Variants in SLC35F3 observed in about 807,000 individuals in gnomAD.
SLC35F3 encodes solute carrier family 35 member F3, also known as putative thiamine transporter SLC35F3.
SLC35F3 carries 25 observed loss-of-function variants against 49.9 expected under a neutral mutation model. The ratio of observed to expected loss-of-function variants is 0.50; its 90% CI spans 0.37 to 0.70. The LOEUF is 0.70. SLC35F3 is among the 30% of genes least tolerant of loss of function. The pLI is 0.00. For synonymous variants in SLC35F3, 275 were observed against 265.4 expected, an observed-to-expected ratio of 1.04 and a Z score of -0.35; for missense variants, 525 against 639.8, an observed-to-expected ratio of 0.82 and a Z score of 1.94.
chr1:234,118,885 CT>C (rs60469123), intron 2 of SLC35F3, among the ~76,000 whole-genome samples: 240 of 143,294 alleles, frequency 1.7e-3, no homozygotes, highest in Middle Eastern at 0.011. Context: ...TTTTTCTTTT[CT>C]TTTTTTTTTT....
At chr1:234,264,451 T>C (rs1011498313) in intron 3 of SLC35F3, among the ~76,000 whole-genome samples, 1 of 152,220 alleles carries the variant, frequency 6.6e-6, no homozygotes, top group Non-Finnish European at 1.5e-5. Flanking sequence ...CTTTCTCTCT[T>C]AAACCTACAC....
At chr1:233,996,694 A>C (rs998520345) in intron 2 of SLC35F3, among the ~76,000 whole-genome samples, 3 of 152,212 alleles carry the variant, frequency 2.0e-5, no homozygotes, top group African/African-American at 7.2e-5. Context: ...CTCTACAATG[A>C]TTAATAATGA....
At chr1:234,254,856 G>A (rs775998634) in intron 3 of SLC35F3, among the ~76,000 whole-genome samples, 11 of 152,254 alleles carry the variant, frequency 7.2e-5, no homozygotes, top group Non-Finnish European at 1.3e-4. Context: ...AGAAATCTTT[G>A]TCAACATGTT....
chr1:234,321,338 C>T (rs1398956967), intron 7 of SLC35F3, among the ~76,000 whole-genome samples: 2 of 152,224 alleles, frequency 1.3e-5, no homozygotes, highest in African/African-American at 4.8e-5. Context: ...TGAGCCTTAG[C>T]TTGCCTCCCC....
intron 2 of SLC35F3, among the ~76,000 whole-genome samples, chr1:233,934,334 G>A (rs1444394460): frequency 1.3e-5 from 2 of 152,196 alleles, no homozygotes; most frequent in African/African-American, 2.4e-5. Context: ...TGCTGCTTGA[G>A]TTGCCATTAC....
chr1:234,171,186 G>A (rs969387176), intron 2 of SLC35F3, among the ~76,000 whole-genome samples: 23 of 152,174 alleles, frequency 1.5e-4, no homozygotes, highest in African/African-American at 5.3e-4. Flanking sequence ...GCTGGAGTGG[G>A]GCAAGGTAAC....
chr1:234,211,267 A>C (rs796073315), intron 2 of SLC35F3, among the ~76,000 whole-genome samples: 7 of 152,326 alleles, frequency 4.6e-5, no homozygotes, highest in African/African-American at 1.7e-4. Context: ...GGTCAGTGCA[A>C]AAGCAAAATT....
intron 3 of SLC35F3, among the ~76,000 whole-genome samples, chr1:234,289,808 C>A (rs866044787): frequency 6.6e-5 from 10 of 152,182 alleles, no homozygotes; most frequent in Non-Finnish European, 1.0e-4. Context: ...ACAAAACAAA[C>A]ACCCACTAAA....
At chr1:234,153,322 A>G (rs942987100) in intron 2 of SLC35F3, among the ~76,000 whole-genome samples, 6 of 152,180 alleles carry the variant, frequency 3.9e-5, no homozygotes, top group African/African-American at 1.4e-4. Flanking sequence ...GCCCAGTGAT[A>G]AAAATGGAGG....
At chr1:234,197,165 C>A (rs893851670) in intron 2 of SLC35F3, among the ~76,000 whole-genome samples, 2 of 152,106 alleles carry the variant, frequency 1.3e-5, no homozygotes, top group Non-Finnish European at 2.9e-5. Context: ...ATGTGAAACT[C>A]ATCTGGGTTT....
chr1:234,281,805 T>A (rs923142396), intron 3 of SLC35F3, among the ~76,000 whole-genome samples: 1 of 151,912 alleles, frequency 6.6e-6, no homozygotes, highest in Non-Finnish European at 1.5e-5. Flanking sequence ...ATCAACCGTA[T>A]CGAGCTTATG....
chr1:233,975,423 C>G (rs976784032), intron 2 of SLC35F3, among the ~76,000 whole-genome samples: 1 of 152,236 alleles, frequency 6.6e-6, no homozygotes, highest in African/African-American at 2.4e-5. Context: ...TGCGGAATAC[C>G]TTTCTCCAAG....
intron 2 of SLC35F3, among the ~76,000 whole-genome samples, chr1:234,196,531 C>T (rs1666814298): frequency 6.6e-6 from 1 of 152,274 alleles, no homozygotes; most frequent in Non-Finnish European, 1.5e-5. Context: ...GCCTGCCCTG[C>T]ATCAACATCA....
chr1:234,039,943 G>A (rs1479220229), intron 2 of SLC35F3, among the ~76,000 whole-genome samples: 1 of 152,196 alleles, frequency 6.6e-6, no homozygotes, highest in Non-Finnish European at 1.5e-5. Flanking sequence ...CTCATCACAT[G>A]GGGTGGCTGC....
At chr1:234,163,132 C>T (rs1039678297) in intron 2 of SLC35F3, among the ~76,000 whole-genome samples, 8 of 152,146 alleles carry the variant, frequency 5.3e-5, no homozygotes, top group African/African-American at 1.9e-4. Context: ...GTGCCTATAC[C>T]CAGAAGGACT....
chr1:234,140,002 A>AATAAAATAAAATAAAATAAAATAAAAT, intron 2 of SLC35F3, among the ~76,000 whole-genome samples: 1 of 105,368 alleles, frequency 9.5e-6, no homozygotes, highest in Non-Finnish European at 2.4e-5. Flanking sequence ...AATAAAATAA[A>AATAAAATAAAATAAAATAAAATAAAAT]GTAAGTGACT....
intron 3 of SLC35F3, among the ~76,000 whole-genome samples, chr1:234,307,766 A>G (rs938039342): frequency 8.2e-4 from 125 of 152,296 alleles, no homozygotes; most frequent in African/African-American, 2.9e-3. Flanking sequence ...GCAGTGCAGC[A>G]CCATGTCCAT....
chr1:234,018,996 A>G (rs1663850418), intron 2 of SLC35F3, among the ~76,000 whole-genome samples: 2 of 152,226 alleles, frequency 1.3e-5, no homozygotes, highest in Admixed American at 6.5e-5. Flanking sequence ...AAGATAGAAG[A>G]GCAATGCTAC....
Position 234,069,445 on chromosome 1 carries a change from C to T in SLC35F3, c.284-161972C>T, listed in dbSNP as rs187618059. 3.0e-3 allele frequency among the ~76,000 whole-genome samples: 450 copies of T among 151,776 alleles called. 1 individual carries two copies. Among genetic ancestry groups the T allele is most frequent in the African/African-American group, 0.01 (428 of 41,378 alleles). ...GCTAACTTTATATTTTCAGTAGAGA[C>T]GGAGTTTCACCGTGTTAGCCAGGAT... is the stretch of plus-strand genomic sequence containing the variant. On this transcript the variant is annotated intron_variant, in intron 2 of 7. Coordinates refer to ENST00000366618, the MANE Select transcript of SLC35F3 (RefSeq NM_173508.4).
Sources: gnomAD v4.1 joint callset for allele counts (sites outside exome capture counted in the v4.1 genomes callset) on GRCh38, gnomAD v4.1.1 for gene constraint, MANE v1.5 for transcripts, NCBI Gene and HGNC (gene_info 2026-07-23, HGNC 2026-07-21) for gene names.